AHI1: variants seen among roughly 807,000 people sequenced by gnomAD.
AHI1 encodes the protein jouberin.
AHI1 carries 123 observed loss-of-function variants against 149.3 expected under a neutral mutation model. The observed-to-expected ratio is 0.82, with a 90% confidence interval of 0.71 to 0.96. AHI1 has a LOEUF of 0.96. Ranked by LOEUF, AHI1 falls within the 40% of genes least tolerant of loss-of-function variation. AHI1 has a pLI of 0.00. For synonymous variants in AHI1, 475 were observed against 459.8 expected, an observed-to-expected ratio of 1.03 and a Z score of -0.42; for missense variants, 1,439 against 1,422.7, an observed-to-expected ratio of 1.01 and a Z score of -0.18.
intron 10 of AHI1, 77 bp downstream of exon 10, chr6:135,455,657 A>T: frequency 8.7e-7 from 1 of 1,144,096 alleles, no homozygotes; most frequent in Non-Finnish European, 1.2e-6. Flanking sequence ...TTACTGGACT[A>T]CTAAAAATAA....
At position 135,463,942 on chromosome 6, in the gene AHI1, A is replaced by G. The variant is rs374124725; in HGVS notation, c.750-636T>C. ...GTAATTTTTGTAGAGATGGACTTTC[A>G]CTATGTTGCTCAGGCATGGATTTCT... is the stretch of plus-strand genomic sequence containing the variant. On this transcript the variant is annotated intron_variant, in intron 7 of 28. Coordinates refer to ENST00000265602, the MANE Select transcript of AHI1 (RefSeq NM_001134831.2). Among the ~76,000 whole-genome samples, 8 of 152,120 alleles carry G rather than the reference A, an allele frequency of 5.3e-5. No homozygotes were observed. The East Asian group carries it at 1.5e-3, about 29-fold the overall frequency.
intron 8 of AHI1, among the ~76,000 whole-genome samples, chr6:135,458,608 G>C (rs573473926): frequency 6.6e-6 from 1 of 152,138 alleles, no homozygotes; most frequent in Non-Finnish European, 1.5e-5. Flanking sequence ...TACCAATTCT[G>C]GTCACAGTTC....
rs184432560 is a variant in AHI1 at position 135,365,725 on chromosome 6, C to T, written c.3110-7538G>A. Among the ~76,000 whole-genome samples, 268 of 152,182 alleles carry T rather than the reference C, an allele frequency of 1.8e-3. 1 individual carries two copies. Among genetic ancestry groups the T allele is most frequent in the African/African-American group, 6.2e-3 (259 of 41,514 alleles). ...AGGAGCTTTTTGGATGAGTCTTTAGCGTTTTCTAGGTATACAATCATATCA... is the reference window on the plus strand; with the variant it reads ...AGGAGCTTTTTGGATGAGTCTTTAGTGTTTTCTAGGTATACAATCATATCA... On this transcript the variant is annotated intron_variant, in intron 23 of 28. Coordinates refer to ENST00000265602, the MANE Select transcript of AHI1 (RefSeq NM_001134831.2).
At chr6:135,484,581 T>A (rs556116433) in intron 5 of AHI1, among the ~76,000 whole-genome samples, 10 of 152,268 alleles carry the variant, frequency 6.6e-5, no homozygotes, top group African/African-American at 2.4e-4. Flanking sequence ...AACTTACTCA[T>A]AATTTTGTTC....
intron 24 of AHI1, among the ~76,000 whole-genome samples, chr6:135,343,073 T>A (rs1327608179): frequency 6.6e-6 from 1 of 151,704 alleles, no homozygotes; most frequent in Admixed American, 6.6e-5. Context: ...CAGAAAAACC[T>A]GTTAGAATAT....
At chr6:135,374,119 T>G (rs1163797325) in intron 23 of AHI1, among the ~76,000 whole-genome samples, 2 of 132,370 alleles carry the variant, frequency 1.5e-5, no homozygotes, top group African/African-American at 5.6e-5. Flanking sequence ...TTTTTTTTTT[T>G]TTTTTTTTTT....
At chr6:135,459,406 A>C (rs1282802927) in intron 8 of AHI1, among the ~76,000 whole-genome samples, 1 of 152,186 alleles carries the variant, frequency 6.6e-6, no homozygotes, top group Admixed American at 6.5e-5. Flanking sequence ...ATAAAAGAAG[A>C]CTGAAATCTT....
At chr6:135,348,929 C>G (rs555330360) in intron 24 of AHI1, among the ~76,000 whole-genome samples, 46 of 152,170 alleles carry the variant, frequency 3.0e-4, no homozygotes, top group Middle Eastern at 6.8e-3. Flanking sequence ...CATCTTCTTT[C>G]CAGATATAAG....
chr6:135,458,952 G>A (rs1789429640), intron 8 of AHI1, among the ~76,000 whole-genome samples: 1 of 152,112 alleles, frequency 6.6e-6, no homozygotes, highest in South Asian at 2.1e-4. Flanking sequence ...CTGAAAATCG[G>A]AATGGAAATG....
chr6:135,493,732 T>A (rs1175896265), intron 3 of AHI1, among the ~76,000 whole-genome samples: 1 of 152,184 alleles, frequency 6.6e-6, no homozygotes, highest in Non-Finnish European at 1.5e-5. Flanking sequence ...CTGACCTATA[T>A]TATGACTATG....
intron 27 of AHI1, among the ~76,000 whole-genome samples, chr6:135,292,956 C>T (rs981137350): frequency 6.6e-5 from 10 of 152,120 alleles, no homozygotes; most frequent in Non-Finnish European, 8.8e-5. Context: ...AAATTACAGA[C>T]CCATATTTCT....
rs534463771 is a variant in AHI1 at position 135,329,209 on chromosome 6, A to G, written c.3166-5885T>C. On this transcript the variant is annotated intron_variant, in intron 24 of 28. Coordinates refer to ENST00000265602, the MANE Select transcript of AHI1 (RefSeq NM_001134831.2). Reference sequence around the variant, plus strand: ...CTATACTAAAGAATAGATTTTCTCAATGGAGATTTAAACAGACTTATATTG... The same window carrying G: ...CTATACTAAAGAATAGATTTTCTCAGTGGAGATTTAAACAGACTTATATTG... 4.6e-5 allele frequency among the ~76,000 whole-genome samples: 7 copies of G among 152,348 alleles called. No individual in the cohort carries two copies. The South Asian group carries it at 1.4e-3, about 32-fold the overall frequency.
At chr6:135,477,084 A>G (rs1583437413) in intron 5 of AHI1, among the ~76,000 whole-genome samples, 1 of 148,790 alleles carries the variant, frequency 6.7e-6, no homozygotes, top group African/African-American at 2.5e-5. Context: ...TCTGTCACCT[A>G]GGCTGGAGTG....
chr6:135,446,178 T>C (rs1787182153), intron 13 of AHI1, among the ~76,000 whole-genome samples: 1 of 152,180 alleles, frequency 6.6e-6, no homozygotes, highest in African/African-American at 2.4e-5. Context: ...CCACCCCTTG[T>C]CACCCAAATG....
intron 3 of AHI1, among the ~76,000 whole-genome samples, chr6:135,494,027 G>A (rs1215920425): frequency 1.3e-5 from 2 of 152,098 alleles, no homozygotes; most frequent in African/African-American, 4.8e-5. Context: ...GATGGAGTGA[G>A]GTAATATTTT....
chr6:135,467,677 A>G, intron 5 of AHI1, 43 bp from the exon 6 acceptor site: 1 of 1,392,946 alleles, frequency 7.2e-7, no homozygotes, highest in Non-Finnish European at 9.9e-7. Flanking sequence ...AGCGTAGATT[A>G]GTTGTATCAA....
intron 23 of AHI1, among the ~76,000 whole-genome samples, chr6:135,391,686 C>A (rs1472159603): frequency 6.6e-6 from 1 of 152,144 alleles, no homozygotes; most frequent in Non-Finnish European, 1.5e-5. Context: ...AAACCACTCC[C>A]CAGCCATACC....
chr6:135,490,538 C>T, intron 5 of AHI1, 85 bp downstream of exon 5: 4 of 1,524,760 alleles, frequency 2.6e-6, no homozygotes, highest in Non-Finnish European at 2.7e-6. Flanking sequence ...TTTCAAAATT[C>T]CTTAGAATTT....
intron 5 of AHI1, among the ~76,000 whole-genome samples, chr6:135,480,048 CTG>C (rs1793361852): frequency 6.6e-6 from 1 of 152,206 alleles, no homozygotes; most frequent in Non-Finnish European, 1.5e-5. Flanking sequence ...GCGTGCTGAA[CTG>C]TGAGGTGACT....
Sources: gnomAD v4.1 joint callset for allele counts (sites outside exome capture counted in the v4.1 genomes callset) on GRCh38, gnomAD v4.1.1 for gene constraint, MANE v1.5 for transcripts, NCBI Gene and HGNC (gene_info 2026-07-23, HGNC 2026-07-21) for gene names.